VPS13B: variants seen among roughly 807,000 people sequenced by gnomAD.
VPS13B encodes vacuolar protein sorting 13 homolog B, also known as intermembrane lipid transfer protein VPS13B.
VPS13B carries 285 observed loss-of-function variants against 426.4 expected under a neutral mutation model. The observed-to-expected ratio is 0.67, with a 90% confidence interval of 0.61 to 0.74. The LOEUF is 0.74. Among genes scored for constraint, VPS13B ranks in the 30% least tolerant of loss-of-function variants. The pLI is 0.00. For synonymous variants in VPS13B, 1,676 were observed against 1,676.4 expected, an observed-to-expected ratio of 1.00 and a Z score of 0.01; for missense variants, 4,537 against 4,782.6, an observed-to-expected ratio of 0.95 and a Z score of 1.51.
intron 28 of VPS13B, 65 bp downstream of exon 28, chr8:99,507,268 A>C: frequency 5.3e-6 from 8 of 1,510,762 alleles, no homozygotes; most frequent in Non-Finnish European, 7.4e-6. Flanking sequence ...TTGTTATTTC[A>C]TAAAATAGGA....
rs35794375 is a variant in VPS13B, at chr8:99,470,720, GAA to G, written c.3666+3097_3666+3098del. ...AGGAGAGGATAAAAGGATTGGGATA[GAA>G]AAAAAAAAAAGAGGAAATAACTACA... On this transcript the variant is annotated intron_variant, in intron 24 of 61. Transcript: ENST00000357162. 4.7e-4 allele frequency among the ~76,000 whole-genome samples: 66 copies of G among 140,094 alleles called. No individual in the cohort carries two copies. In the Middle Eastern group the frequency reaches 0.011, roughly 23 times the overall value. The allele number at this position is 140,094 out of a possible 152,430, so 91.9% of individuals were successfully genotyped here. A position where few individuals can be genotyped will look rare whatever the true frequency, so the allele number is the denominator to read the frequency against.
chr8:99,143,335 G>A (rs984271031), intron 13 of VPS13B, among the ~76,000 whole-genome samples, 170 bp downstream of exon 13: 4 of 152,196 alleles, frequency 2.6e-5, no homozygotes, highest in Non-Finnish European at 5.9e-5. Context: ...TGTAGAAGTT[G>A]GAGAGATCAA....
chr8:99,377,234 A>G (rs1813537071), intron 19 of VPS13B, among the ~76,000 whole-genome samples: 1 of 152,066 alleles, frequency 6.6e-6, no homozygotes, highest in Admixed American at 6.5e-5. Flanking sequence ...ATTTCTGTAA[A>G]ATACTCAGCC....
At chr8:99,145,404 T>C (rs975884437) in intron 13 of VPS13B, among the ~76,000 whole-genome samples, 8 of 152,288 alleles carry the variant, frequency 5.3e-5, no homozygotes, top group African/African-American at 1.7e-4. Flanking sequence ...ACAGTTCCAA[T>C]ACCACAAGGA....
At chr8:99,690,324 C>G (rs1187542879) in intron 35 of VPS13B, among the ~76,000 whole-genome samples, 1 of 152,164 alleles carries the variant, frequency 6.6e-6, no homozygotes, top group Admixed American at 6.5e-5. Context: ...CGTAGACTTA[C>G]ATTTAAGAGA....
At chr8:99,385,263 C>G (rs982938326) in intron 20 of VPS13B, among the ~76,000 whole-genome samples, 5 of 152,120 alleles carry the variant, frequency 3.3e-5, no homozygotes, top group African/African-American at 7.2e-5. Context: ...AATGACAGAA[C>G]TAAGAATTTT....
Position 99,589,938 on chromosome 8 carries a change from T to C in VPS13B, c.5220+12305T>C, listed in dbSNP as rs184931985. On this transcript the variant is annotated intron_variant, in intron 33 of 61. Coordinates refer to ENST00000357162, the MANE Select transcript of VPS13B (RefSeq NM_152564.5). ...TCCCAGCTCCTCTTTCTACCTCTGATAGAATTCGGCTGTGAATCCGTCTGG... is the reference window on the plus strand; with the variant it reads ...TCCCAGCTCCTCTTTCTACCTCTGACAGAATTCGGCTGTGAATCCGTCTGG... 6.3e-3 allele frequency among the ~76,000 whole-genome samples: 952 copies of C among 152,318 alleles called. 8 individuals are homozygous for C. Among genetic ancestry groups the C allele is most frequent in the African/African-American group, 0.022 (894 of 41,574 alleles).
chr8:99,532,886 TTAATC>T (rs1195754322), intron 30 of VPS13B, among the ~76,000 whole-genome samples: 2 of 151,354 alleles, frequency 1.3e-5, no homozygotes, highest in Non-Finnish European at 2.9e-5. Context: ...TTTTTTAAAA[TTAATC>T]TAAAATGTAT....
At position 99,176,841 on chromosome 8, in the gene VPS13B, T is replaced by C. The variant is rs115530107; in HGVS notation, c.2333+6678T>C. Among the ~76,000 whole-genome samples the C allele has an allele frequency of 4.4e-3, 667 of 152,244 alleles. 7 individuals carry two copies. The highest frequency in any genetic ancestry group is 0.015 in the African/African-American group (635 of 41,546). ...GTGACAACTTAAAGCAAAGAGAAGA[T>C]GAAGGATCTGAAGGTGAAGAATTTA... is the stretch of plus-strand genomic sequence containing the variant. On this transcript the variant is annotated intron_variant, in intron 16 of 61. Transcript: ENST00000357162.
chr8:99,152,612 T>C (rs1022691936), intron 14 of VPS13B, among the ~76,000 whole-genome samples: 2 of 152,226 alleles, frequency 1.3e-5, no homozygotes, highest in African/African-American at 4.8e-5. Context: ...AACAGTGGGT[T>C]TGTTGGATTT....
intron 20 of VPS13B, among the ~76,000 whole-genome samples, chr8:99,391,146 A>G (rs1049146807): frequency 7.0e-6 from 1 of 142,938 alleles, no homozygotes; most frequent in African/African-American, 2.5e-5. Flanking sequence ...TTATAAGGAT[A>G]ACTTTATAAG....
At chr8:99,427,372 G>T (rs1183879679) in intron 21 of VPS13B, among the ~76,000 whole-genome samples, 3 of 139,552 alleles carry the variant, frequency 2.1e-5, no homozygotes, top group Non-Finnish European at 4.6e-5. Context: ...TGTTCTTTTG[G>T]CTTAGGATTG....
intron 17 of VPS13B, chr8:99,233,806 C>T (rs1816490440): frequency 2.6e-6 from 2 of 778,466 alleles, no homozygotes; most frequent in African/African-American, 3.4e-5. Context: ...CATTGTGGGC[C>T]ACGATTTTCA....
chr8:99,556,667 G>A lies in VPS13B; in HGVS notation c.4949+14G>A, dbSNP rs1001974450. On this transcript the variant is annotated intron_variant, in intron 31 of 61. Transcript: ENST00000357162. ...TATGGCCAGCAGGTAGGAAATGATT[G>A]AGAAACTTTCTACTCTTTCTAATAC... 5 of 1,611,076 alleles carry A rather than the reference G, an allele frequency of 3.1e-6. No homozygotes were observed. The highest frequency in any genetic ancestry group is 1.3e-5 in the African/African-American group (1 of 74,840).
intron 3 of VPS13B, among the ~76,000 whole-genome samples, chr8:99,040,110 A>G (rs1295875423): frequency 1.3e-5 from 2 of 152,146 alleles, no homozygotes; most frequent in African/African-American, 4.8e-5. Flanking sequence ...AAATCCAGAC[A>G]CTTAAGTACT....
At chr8:99,679,025 T>C (rs1384966694) in intron 35 of VPS13B, among the ~76,000 whole-genome samples, 1 of 152,222 alleles carries the variant, frequency 6.6e-6, no homozygotes, top group Non-Finnish European at 1.5e-5. Context: ...TAAACCTTGC[T>C]GTTTTCTTAG....
chr8:99,474,875 A>T (rs1024769157), intron 24 of VPS13B, among the ~76,000 whole-genome samples: 2 of 152,174 alleles, frequency 1.3e-5, no homozygotes, highest in African/African-American at 4.8e-5. Flanking sequence ...ATATATCCAC[A>T]AAAGGTCTTT....
At chr8:99,192,013 A>G (rs1813625132) in intron 16 of VPS13B, among the ~76,000 whole-genome samples, 1 of 152,152 alleles carries the variant, frequency 6.6e-6, no homozygotes, top group Non-Finnish European at 1.5e-5. Context: ...GGTTACATAC[A>G]GTATACTATA....
chr8:99,058,528 A>C (rs1384675362), intron 3 of VPS13B, among the ~76,000 whole-genome samples: 1 of 152,096 alleles, frequency 6.6e-6, no homozygotes, highest in African/African-American at 2.4e-5. Flanking sequence ...AGGTCCTGAG[A>C]TTAAAATATA....
Sources: allele counts gnomAD v4.1 joint callset (sites outside exome capture counted in the v4.1 genomes callset), GRCh38; gene constraint gnomAD v4.1.1; transcripts MANE v1.5; gene names NCBI Gene and HGNC (gene_info 2026-07-23, HGNC 2026-07-21).